The following USP53 variants were observed in gnomAD, a reference collection of about 807,000 sequenced individuals.
USP53 encodes ubiquitin specific peptidase 53.
In USP53, 71 loss-of-function variants were observed where a neutral mutation model predicts 94.9. The observed-to-expected ratio is 0.75, with a 90% CI of 0.62 to 0.91. The LOEUF is 0.91. Ranked by LOEUF, USP53 falls within the 40% of genes least tolerant of loss-of-function variation. The probability of loss-of-function intolerance (pLI) is 0.00; values close to 1 mark genes in which losing one functional copy is unlikely to be tolerated. For synonymous variants in USP53, 375 were observed against 422.7 expected (o/e 0.89, Z 1.39); for missense variants, 1,173 against 1,281.0 (o/e 0.92, Z 1.29).
intron 3 of USP53, among the ~76,000 whole-genome samples, chr4:119,227,688 A>G (rs892350646): frequency 6.6e-5 from 10 of 152,210 alleles, no homozygotes; most frequent in East Asian, 5.8e-4. Context: ...CACTTTGGCA[A>G]TTTTCTATAA....
chr4:119,251,843 C>T (rs1000598110), intron 7 of USP53, among the ~76,000 whole-genome samples: 1 of 152,144 alleles, frequency 6.6e-6, no homozygotes, highest in African/African-American at 2.4e-5. Flanking sequence ...AGTTTTTGTC[C>T]ATTCAGTATA....
At chr4:119,232,927 G>A (rs1216996569) in intron 3 of USP53, among the ~76,000 whole-genome samples, 1 of 152,030 alleles carries the variant, frequency 6.6e-6, no homozygotes, top group Non-Finnish European at 1.5e-5. Context: ...ATTTAACTTT[G>A]AATTTGTCTA....
rs1483111155 is a variant in USP53, at chr4:119,213,561, TTTTC to T, written c.-941-505_-941-502del. Among the ~76,000 whole-genome samples, 3 of 150,960 alleles carry T rather than the reference TTTTC, an allele frequency of 2.0e-5. No homozygotes were observed. The East Asian group carries it at 5.8e-4, about 29-fold the overall frequency. On this transcript the variant is annotated intron_variant, in intron 1 of 18. Coordinates refer to ENST00000692078, the MANE Select transcript of USP53 (RefSeq NM_001371395.1). ...TGAGGTTTGTAACCCTGCTACAAGGTTTTCTTTATCAATGCAAAGTATGCAGGGA... is the reference window on the plus strand; with the variant it reads ...TGAGGTTTGTAACCCTGCTACAAGGTTTTATCAATGCAAAGTATGCAGGGA...
chr4:119,261,872 A>G lies in USP53; in HGVS notation c.972+8A>G. On this transcript the variant is annotated splice_region_variant and intron_variant, in intron 12 of 18. Coordinates refer to ENST00000692078, the MANE Select transcript of USP53 (RefSeq NM_001371395.1). ...GATGCAAATGTGAAAGAGGTAAGTGACACTTTCTTTAATTGAAATAATTAC... is the reference window on the plus strand; with the variant it reads ...GATGCAAATGTGAAAGAGGTAAGTGGCACTTTCTTTAATTGAAATAATTAC... The G allele has an allele frequency of 6.9e-7, 1 of 1,443,304 alleles. No homozygotes were observed. The highest frequency in any genetic ancestry group is 1.7e-5 in the South Asian group (1 of 59,682). 89.4% of individuals were successfully genotyped at this position (1,443,304 alleles called of 1,614,324 possible). A position where few individuals can be genotyped will look rare whatever the true frequency, so the allele number is the denominator to read the frequency against.
chr4:119,265,999 AG>A (rs1337566826), intron 12 of USP53, among the ~76,000 whole-genome samples: 3 of 152,242 alleles, frequency 2.0e-5, no homozygotes, highest in African/African-American at 4.8e-5. Flanking sequence ...TTCATCTGCT[AG>A]AAAAATTCTG....
At chr4:119,240,218 T>C (rs1747333312) in intron 5 of USP53, among the ~76,000 whole-genome samples, 1 of 152,100 alleles carries the variant, frequency 6.6e-6, no homozygotes, top group African/African-American at 2.4e-5. Context: ...CCCCTCCCTT[T>C]GAAAAAACAT....
chr4:119,268,349 A>G lies in USP53; in HGVS notation c.1217A>G (p.Gln406Arg). 1 of 1,614,088 alleles carries G rather than the reference A, an allele frequency of 6.2e-7. No homozygotes were observed. Among genetic ancestry groups the G allele is most frequent in the South Asian group, 1.1e-5 (1 of 91,080 alleles). ...GATCAGGCAAAGCAGAGAGAAAATC[A>G]GAAATTTCCAACTGATAATATTTCA... ...FGDQAKQREN[Q>R]KFPTDNISSS... The change falls in exon 14 of 19, where the codon CAG becomes CGG. Residue 406 changes from glutamine (Q) to arginine (R), a missense_variant. Physicochemically the swap from Gln to Arg is conservative, Grantham distance 43 (BLOSUM62 1). Coordinates refer to ENST00000692078, the MANE Select transcript of USP53 (RefSeq NM_001371395.1).
chr4:119,213,660 A>ATATATATATATATGTG, intron 1 of USP53, among the ~76,000 whole-genome samples: 1 of 117,782 alleles, frequency 8.5e-6, no homozygotes, highest in African/African-American at 3.6e-5. Flanking sequence ...ATATATATAT[A>ATATATATATATATGTG]TGTGTGTGTG....
intron 5 of USP53, 35 bp from the exon 6 acceptor site, chr4:119,245,294 AATTTGTTT>A (rs1748076529): frequency 6.3e-7 from 1 of 1,585,118 alleles, no homozygotes; most frequent in South Asian, 1.1e-5. Context: ...CAGTAAGAAA[AATTTGTTT>A]ATTTCTTTTT....
In USP53 at chr4:119,292,534, G is replaced by C. The variant is rs758420472; in HGVS notation, c.2545G>C (p.Ala849Pro). The change falls in exon 19 of 19, where the codon GCT (alanine) becomes CCT (proline). Residue 849 changes from alanine (A) to proline (P), a missense_variant. Ala to Pro is a conservative substitution (Grantham distance 27). Coordinates refer to ENST00000692078, the MANE Select transcript of USP53 (RefSeq NM_001371395.1). ...TTTGCCTTTTCACGTTGATAACTCT[G>C]CTTCTGGGAAGAGAGTGAACAGTAA... ...TGLPFHVDNS[A>P]SGKRVNSNEP... 15 of 1,614,024 alleles carry C rather than the reference G, an allele frequency of 9.3e-6. No individual in the cohort carries two copies. The highest frequency in any genetic ancestry group is 1.3e-5 in the Non-Finnish European group (15 of 1,179,922).
At chr4:119,241,036 T>G (rs1747455411) in intron 5 of USP53, among the ~76,000 whole-genome samples, 1 of 152,180 alleles carries the variant, frequency 6.6e-6, no homozygotes, top group Admixed American at 6.5e-5. Context: ...AGAAAGCGTT[T>G]CTGGCATTTC....
intron 3 of USP53, among the ~76,000 whole-genome samples, chr4:119,224,832 G>C (rs1407170046): frequency 6.6e-6 from 1 of 152,160 alleles, no homozygotes; most frequent in Non-Finnish European, 1.5e-5. Flanking sequence ...GCAGTGTGGA[G>C]GGAAATTTAT....
chr4:119,239,655 C>A lies in USP53; in HGVS notation c.-105C>A. On this transcript the variant is annotated 5_prime_UTR_variant, in exon 5 of 19. The change creates a new upstream start codon in the 5' untranslated region. Transcript: ENST00000692078. ...TGGAAACTTACATTATTAAAATAGACTGCAGTGGATTTAATTGGACAATTC... is the reference window on the plus strand; with the variant it reads ...TGGAAACTTACATTATTAAAATAGAATGCAGTGGATTTAATTGGACAATTC... The A allele has an allele frequency of 7.8e-7, 1 of 1,283,604 alleles. No individual in the cohort carries two copies. The highest frequency in any genetic ancestry group is 1.1e-6 in the Non-Finnish European group (1 of 946,510). The allele number at this position is 1,283,604 out of a possible 1,614,324, so 79.5% of individuals were successfully genotyped here.
At chr4:119,236,065 AT>A (rs1236903181) in intron 4 of USP53, among the ~76,000 whole-genome samples, 10 of 152,212 alleles carry the variant, frequency 6.6e-5, no homozygotes, top group Non-Finnish European at 1.3e-4. Context: ...CATCAACGAA[AT>A]TCAGTTGATT....
intron 12 of USP53, among the ~76,000 whole-genome samples, chr4:119,265,670 A>AAACAACAACAACAACAACAAC (rs56113456): frequency 1.5e-4 from 22 of 150,530 alleles, no homozygotes; most frequent in African/African-American, 4.2e-4. Flanking sequence ...CCTTTTCTCA[A>AAACAACAACAACAACAACAAC]AACAACAACA....
intron 17 of USP53, among the ~76,000 whole-genome samples, chr4:119,285,764 T>C (rs973624242): frequency 2.0e-5 from 3 of 151,988 alleles, no homozygotes; most frequent in Non-Finnish European, 4.4e-5. Flanking sequence ...GAAGTACTTT[T>C]GTCAGCCGAT....
At chr4:119,229,900 T>G (rs1745822927) in intron 3 of USP53, among the ~76,000 whole-genome samples, 2 of 152,218 alleles carry the variant, frequency 1.3e-5, no homozygotes, top group Non-Finnish European at 2.9e-5. Context: ...CCAGCCATGA[T>G]CTGACCCCTG....
intron 17 of USP53, among the ~76,000 whole-genome samples, chr4:119,287,370 A>G (rs1416463932): frequency 1.3e-5 from 2 of 152,142 alleles, no homozygotes; most frequent in Non-Finnish European, 1.5e-5. Flanking sequence ...AGGGTATTAA[A>G]TTCTCATGTA....
Position 119,292,924 on chromosome 4 carries a change from G to T in USP53, c.2935G>T (p.Asp979Tyr), listed in dbSNP as rs1346557523. The T allele has an allele frequency of 6.2e-7, 1 of 1,613,970 alleles. No homozygotes were observed. Among genetic ancestry groups the T allele is most frequent in the Non-Finnish European group, 8.5e-7 (1 of 1,179,992 alleles). Reference protein sequence around the residue: ...PSLEVSTHMNDERHKETFQVR... With the variant: ...PSLEVSTHMNYERHKETFQVR... ...TTTAGAAGTGAGTACACATATGAATGATGAAAGACATAAAGAAACATTTCA... is the reference window on the plus strand; with the variant it reads ...TTTAGAAGTGAGTACACATATGAATTATGAAAGACATAAAGAAACATTTCA... Residue 979 changes from aspartate to tyrosine, a missense_variant, in exon 19 of 19, where the codon GAT becomes TAT. Coordinates refer to ENST00000692078, the MANE Select transcript of USP53 (RefSeq NM_001371395.1).
Sources: allele counts gnomAD v4.1 joint callset (sites outside exome capture counted in the v4.1 genomes callset), GRCh38; gene constraint gnomAD v4.1.1; transcripts MANE v1.5; gene names NCBI Gene and HGNC (gene_info 2026-07-23, HGNC 2026-07-21).